SLX4IP: variants seen among roughly 807,000 people sequenced by gnomAD.
The protein encoded by SLX4IP is SLX4 interacting protein.
SLX4IP carries 34 observed loss-of-function variants against 32.9 expected under a neutral mutation model. The ratio of observed to expected loss-of-function variants is 1.03; its 90% CI spans 0.79 to 1.38. The LOEUF (loss-of-function observed/expected upper bound fraction) is 1.38. Ranked by LOEUF, SLX4IP falls within the 40% of genes most tolerant of loss-of-function variation. The pLI, the probability that SLX4IP is intolerant of heterozygous loss-of-function variation, is 0.00. For synonymous variants in SLX4IP, 172 were observed against 171.7 expected (o/e 1.00, Z -0.01); for missense variants, 444 against 479.0 (o/e 0.93, Z 0.68).
At chr20:10,445,627 CTTTT>C (rs35240560) in intron 1 of SLX4IP, among the ~76,000 whole-genome samples, 1 of 131,270 alleles carries the variant, frequency 7.6e-6, no homozygotes, top group African/African-American at 2.8e-5. Flanking sequence ...TGAGATTGCC[CTTTT>C]TTTTTTTTTT....
At position 10,465,584 on chromosome 20, in the gene SLX4IP, C is replaced by A. The variant is rs376215331; in HGVS notation, c.27+7353C>A. ...GCGGTGGCAAGATCTTGGCTCACTGCAACCTCTGCCTCCCAGGTTCAAGTG... is the reference window on the plus strand; with the variant it reads ...GCGGTGGCAAGATCTTGGCTCACTGAAACCTCTGCCTCCCAGGTTCAAGTG... On this transcript the variant is annotated intron_variant, in intron 2 of 7. Transcript: ENST00000334534. Among the ~76,000 whole-genome samples the A allele has an allele frequency of 3.9e-5, 6 of 152,336 alleles. No homozygotes were observed. The East Asian group carries it at 9.6e-4, about 24-fold the overall frequency.
intron 4 of SLX4IP, among the ~76,000 whole-genome samples, chr20:10,563,536 T>G (rs903165709): frequency 6.6e-6 from 1 of 152,180 alleles, no homozygotes; most frequent in Non-Finnish European, 1.5e-5. Context: ...TTTTAGTTTT[T>G]GGGTCTTAAA....
intron 4 of SLX4IP, among the ~76,000 whole-genome samples, chr20:10,572,003 G>C (rs1304243528): frequency 1.3e-5 from 2 of 152,230 alleles, no homozygotes; most frequent in South Asian, 2.1e-4. Flanking sequence ...CCAGGTCTTT[G>C]TTAGTATTAC....
At chr20:10,451,201 C>T (rs2065238768) in intron 1 of SLX4IP, among the ~76,000 whole-genome samples, 1 of 152,030 alleles carries the variant, frequency 6.6e-6, no homozygotes, top group Non-Finnish European at 1.5e-5. Flanking sequence ...CACTCTGTCA[C>T]CCAGGCTGGA....
chr20:10,459,439 T>C (rs919491249), intron 2 of SLX4IP, among the ~76,000 whole-genome samples: 1 of 152,204 alleles, frequency 6.6e-6, no homozygotes, highest in Non-Finnish European at 1.5e-5. Flanking sequence ...CAATTTTAAG[T>C]AGGCATATGG....
intron 2 of SLX4IP, among the ~76,000 whole-genome samples, chr20:10,506,384 A>G (rs1308503168): frequency 1.3e-5 from 2 of 152,338 alleles, no homozygotes; most frequent in Non-Finnish European, 2.9e-5. Context: ...AAAAACCCAC[A>G]TTGGACCCAG....
At chr20:10,484,526 C>G (rs569252665) in intron 2 of SLX4IP, among the ~76,000 whole-genome samples, 67 of 152,192 alleles carry the variant, frequency 4.4e-4, no homozygotes, top group African/African-American at 1.5e-3. Context: ...AGACTTCTCT[C>G]TGCTTGTCAC....
intron 2 of SLX4IP, among the ~76,000 whole-genome samples, chr20:10,528,278 A>G (rs1368219579): frequency 6.6e-6 from 1 of 152,234 alleles, no homozygotes; most frequent in Non-Finnish European, 1.5e-5. Flanking sequence ...ATAGGAAAAA[A>G]CAATGCTTAA....
chr20:10,534,896 A>G (rs2066024931), intron 2 of SLX4IP, among the ~76,000 whole-genome samples: 1 of 152,198 alleles, frequency 6.6e-6, no homozygotes, highest in Admixed American at 6.5e-5. Context: ...GGGAGCTATT[A>G]ATAATTACGC....
intron 4 of SLX4IP, among the ~76,000 whole-genome samples, chr20:10,572,071 A>T (rs2066473174): frequency 6.6e-6 from 1 of 152,026 alleles, no homozygotes; most frequent in Admixed American, 6.6e-5. Flanking sequence ...TCTGGGTTAG[A>T]TCTTCCACCT....
intron 2 of SLX4IP, 76 bp from the exon 3 acceptor site, chr20:10,556,154 GA>G (rs1423662059): frequency 2.2e-6 from 3 of 1,355,988 alleles, no homozygotes; most frequent in Non-Finnish European, 3.1e-6. Flanking sequence ...AACCACATAG[GA>G]ATTTGTGAGA....
chr20:10,477,246 A>G (rs533362975), intron 2 of SLX4IP, among the ~76,000 whole-genome samples: 189 of 152,114 alleles, frequency 1.2e-3, no homozygotes, highest in Middle Eastern at 6.8e-3. Context: ...TCCTGGGTTC[A>G]AGTGATTCTT....
chr20:10,554,927 G>A (rs368140124), intron 2 of SLX4IP, among the ~76,000 whole-genome samples: 26 of 151,458 alleles, frequency 1.7e-4, no homozygotes, highest in Non-Finnish European at 3.1e-4. Flanking sequence ...TGCTTTTTTC[G>A]TTAACAGAAA....
Position 10,623,237 on chromosome 20 carries a change from T to C in SLX4IP, c.1085T>C (p.Leu362Ser). Reference protein sequence around the residue: ...KTTSKEELHVLESLSSRHLMK... With the variant: ...KTTSKEELHVSESLSSRHLMK... ...ACGTCTAAGGAAGAGTTGCATGTTT[T>C]GGAAAGTCTCTCCTCCAGACATCTT... The change falls in exon 8 of 8, where the codon TTG becomes TCG. Residue 362 changes from leucine (L) to serine (S), a missense_variant. Coordinates refer to ENST00000334534, the MANE Select transcript of SLX4IP (RefSeq NM_001009608.3). The C allele has an allele frequency of 6.2e-7, 1 of 1,614,224 alleles. No homozygotes were observed.
At chr20:10,505,781 A>G (rs982607461) in intron 2 of SLX4IP, among the ~76,000 whole-genome samples, 5 of 152,146 alleles carry the variant, frequency 3.3e-5, no homozygotes, top group Non-Finnish European at 5.9e-5. Context: ...TATACGTATA[A>G]ATATAACCGA....
At chr20:10,517,607 T>C (rs527904310) in intron 2 of SLX4IP, among the ~76,000 whole-genome samples, 150 of 152,314 alleles carry the variant, frequency 9.8e-4, no homozygotes, top group Admixed American at 2.2e-3. Context: ...TCTCAGTAGC[T>C]ACATTTCTCA....
intron 2 of SLX4IP, among the ~76,000 whole-genome samples, chr20:10,519,808 A>G (rs954369784): frequency 6.6e-5 from 10 of 152,228 alleles, no homozygotes; most frequent in African/African-American, 2.4e-4. Flanking sequence ...AACTGTTTTC[A>G]AAGTGACTAT....
At chr20:10,456,587 G>C (rs146738067) in intron 1 of SLX4IP, among the ~76,000 whole-genome samples, 1 of 152,088 alleles carries the variant, frequency 6.6e-6, no homozygotes, top group Non-Finnish European at 1.5e-5. Flanking sequence ...TGATCTACCC[G>C]CCTCGGCCTC....
chr20:10,441,770 C>A (rs1281836449), intron 1 of SLX4IP, among the ~76,000 whole-genome samples: 1 of 150,570 alleles, frequency 6.6e-6, no homozygotes, highest in Non-Finnish European at 1.5e-5. Context: ...TTCAGAATTA[C>A]CATCTGAATA....
Sources: allele counts gnomAD v4.1 joint callset (sites outside exome capture counted in the v4.1 genomes callset), GRCh38; gene constraint gnomAD v4.1.1; transcripts MANE v1.5; gene names NCBI Gene and HGNC (gene_info 2026-07-23, HGNC 2026-07-21).